LONP2: variants seen among roughly 807,000 people sequenced by gnomAD.
LONP2 encodes lon peptidase 2, peroxisomal.
Under a neutral mutation model 85.6 loss-of-function variants are expected in LONP2, and 60 were observed. That is an observed-to-expected ratio of 0.70 (90% CI 0.57 to 0.87). The LOEUF (loss-of-function observed/expected upper bound fraction) is 0.87, where lower values mean the gene tolerates loss of function less well. Ranked by LOEUF, LONP2 falls within the 40% of genes least tolerant of loss-of-function variation. The probability of loss-of-function intolerance (pLI) is 0.00; values close to 1 mark genes in which losing one functional copy is unlikely to be tolerated. For missense variants in LONP2, 860 were observed against 1,063.5 expected, an observed-to-expected ratio of 0.81 and a Z score of 2.66; for synonymous variants, 395 against 389.7, an observed-to-expected ratio of 1.01 and a Z score of -0.16.
At chr16:48,246,649 C>T (rs1971404161) in intron 1 of LONP2, among the ~76,000 whole-genome samples, 1 of 152,156 alleles carries the variant, frequency 6.6e-6, no homozygotes, top group Non-Finnish European at 1.5e-5. Context: ...TAGCCCACCG[C>T]AACCTTGATT....
chr16:48,294,982 G>A lies in LONP2; in HGVS notation c.1384-1033G>A, dbSNP rs533330082. On this transcript the variant is annotated intron_variant, in intron 8 of 14. Coordinates refer to ENST00000285737, the MANE Select transcript of LONP2 (RefSeq NM_031490.5). ...TAGAAGCTGTTGGTGCCTTATGAAA[G>A]TTCTGCACCAGCCCCTTAGCAACAA... Among the ~76,000 whole-genome samples the A allele has an allele frequency of 5.9e-5, 9 of 152,310 alleles. 1 individual carries two copies. The South Asian group carries it at 1.9e-3, about 32-fold the overall frequency.
chr16:48,266,721 G>A (rs773298409), intron 6 of LONP2, among the ~76,000 whole-genome samples: 2 of 151,958 alleles, frequency 1.3e-5, no homozygotes. Context: ...GTATTCTGTT[G>A]TATGGATATA....
intron 7 of LONP2, among the ~76,000 whole-genome samples, chr16:48,271,341 T>C (rs60461572): frequency 0.014 from 2,082 of 152,334 alleles, 47 homozygotes; most frequent in African/African-American, 0.047. Flanking sequence ...AAGGGATTCA[T>C]AGCAATTGTA....
At chr16:48,319,889 G>A (rs146121095) in intron 11 of LONP2, among the ~76,000 whole-genome samples, 79 of 152,128 alleles carry the variant, frequency 5.2e-4, no homozygotes, top group African/African-American at 1.3e-3. Context: ...TTGGCCAGGC[G>A]TGGTGGCTCA....
rs1972759657 is a variant in LONP2 at position 48,299,661 on chromosome 16, G to GGTTATAC, written c.1535_1541dup (p.Gln515LeufsTer12). ...ACAAAACAAGATCTCTTCTTTTCCAGGTTATACACAGGAGGAGAAGATAGA... is the reference window on the plus strand; with the variant it reads ...ACAAAACAAGATCTCTTCTTTTCCAGGTTATACGTTATACACAGGAGGAGAAGATAGA... On this transcript the variant is annotated frameshift_variant and splice_region_variant. Coordinates refer to ENST00000285737, the MANE Select transcript of LONP2 (RefSeq NM_031490.5). LOFTEE classifies it high-confidence loss of function. The GGTTATAC allele has an allele frequency of 6.2e-7, 1 of 1,609,752 alleles. No homozygotes were observed. The highest frequency in any genetic ancestry group is 8.5e-7 in the Non-Finnish European group (1 of 1,178,754).
intron 7 of LONP2, among the ~76,000 whole-genome samples, chr16:48,274,516 CAGA>C (rs887632566): frequency 6.6e-6 from 1 of 151,988 alleles, no homozygotes; most frequent in African/African-American, 2.4e-5. Flanking sequence ...GAATGACTAC[CAGA>C]AGAATAATTG....
chr16:48,246,299 T>C (rs762007260), intron 1 of LONP2, among the ~76,000 whole-genome samples: 1 of 152,224 alleles, frequency 6.6e-6, no homozygotes. Flanking sequence ...CAGTACTCTT[T>C]GATAAATTGT....
At chr16:48,287,437 A>G (rs893807032) in intron 8 of LONP2, among the ~76,000 whole-genome samples, 33 of 152,382 alleles carry the variant, frequency 2.2e-4, no homozygotes, top group African/African-American at 7.2e-4. Context: ...AGGCAGCTGC[A>G]GTGCTAAAAC....
downstream of LONP2, among the ~76,000 whole-genome samples, chr16:48,358,542 C>T (rs1255074484): frequency 6.6e-6 from 1 of 152,176 alleles, no homozygotes; most frequent in Non-Finnish European, 1.5e-5. Flanking sequence ...AAACATGTGG[C>T]TGGAGCCAGC....
intron 4 of LONP2, among the ~76,000 whole-genome samples, chr16:48,260,206 A>G (rs1439746789): frequency 6.6e-6 from 1 of 152,158 alleles, no homozygotes; most frequent in African/African-American, 2.4e-5. Flanking sequence ...TATATTTAGT[A>G]CTTGTGTTTT....
At chr16:48,306,473 A>C (rs1972913843) in intron 11 of LONP2, among the ~76,000 whole-genome samples, 1 of 152,224 alleles carries the variant, frequency 6.6e-6, no homozygotes, top group African/African-American at 2.4e-5. Context: ...TGATCACAGG[A>C]CATCTCCTAA....
chr16:48,271,476 AG>A (rs1253058356), intron 7 of LONP2, among the ~76,000 whole-genome samples: 2 of 152,238 alleles, frequency 1.3e-5, no homozygotes, highest in Non-Finnish European at 2.9e-5. Flanking sequence ...CCTTATTCAA[AG>A]GGATCCCTAT....
At chr16:48,298,420 TATACATACATAA>T (rs1972720974) in intron 9 of LONP2, among the ~76,000 whole-genome samples, 2 of 152,056 alleles carry the variant, frequency 1.3e-5, no homozygotes, top group Admixed American at 6.6e-5. Context: ...AAAATACATA[TATACATACATAA>T]ATACATATGC....
intron 1 of LONP2, among the ~76,000 whole-genome samples, chr16:48,248,357 C>T (rs1182165589): frequency 2.6e-5 from 4 of 151,228 alleles, no homozygotes; most frequent in African/African-American, 9.7e-5. Flanking sequence ...AACTCCTGAG[C>T]CCAAGTGATC....
chr16:48,267,921 T>C (rs1307874455), intron 6 of LONP2, among the ~76,000 whole-genome samples: 1 of 152,044 alleles, frequency 6.6e-6, no homozygotes, highest in Non-Finnish European at 1.5e-5. Flanking sequence ...TGGCCCCCCA[T>C]TCATAATTTC....
At chr16:48,248,383 C>T (rs924165227) in intron 1 of LONP2, among the ~76,000 whole-genome samples, 1 of 151,664 alleles carries the variant, frequency 6.6e-6, no homozygotes, top group Admixed American at 6.6e-5. Flanking sequence ...GCCTCGGCCT[C>T]CCAAAGTGCT....
At chr16:48,280,505 G>T (rs1459486541) in intron 8 of LONP2, among the ~76,000 whole-genome samples, 1 of 152,146 alleles carries the variant, frequency 6.6e-6, no homozygotes, top group Admixed American at 6.5e-5. Context: ...ATAACAAGCA[G>T]CTAGCATAAT....
Position 48,256,597 on chromosome 16 carries a change from T to A in LONP2, c.469-13T>A. The A allele has an allele frequency of 6.2e-7, 1 of 1,606,038 alleles. No individual in the cohort carries two copies. The highest frequency in any genetic ancestry group is 1.1e-5 in the South Asian group (1 of 89,006). The stretch of plus-strand genomic sequence containing the variant: ...CCAGATTTCATTTAAAAGACTTTTT[T>A]TCCCCCTTCTAGTTGGTTGAAATGT... On this transcript the variant is annotated splice_polypyrimidine_tract_variant and intron_variant, in intron 2 of 14. Coordinates refer to ENST00000285737, the MANE Select transcript of LONP2 (RefSeq NM_031490.5).
intron 8 of LONP2, 41 bp from the exon 9 acceptor site, chr16:48,295,974 G>T: frequency 1.2e-6 from 2 of 1,600,654 alleles, no homozygotes. Flanking sequence ...CCTTCTGTTG[G>T]CACTACTAAA....
Sources: gnomAD v4.1 joint callset for allele counts (sites outside exome capture counted in the v4.1 genomes callset) on GRCh38, gnomAD v4.1.1 for gene constraint, MANE v1.5 for transcripts, NCBI Gene and HGNC (gene_info 2026-07-23, HGNC 2026-07-21) for gene names.